The following NOD2 variants were observed in gnomAD, a reference collection of about 807,000 sequenced individuals.
The protein encoded by NOD2 is nucleotide-binding oligomerization domain-containing protein 2.
Under a neutral mutation model 90.9 loss-of-function variants are expected in NOD2, and 86 were observed. The ratio of observed to expected loss-of-function variants is 0.95; its 90% CI spans 0.79 to 1.13. The LOEUF (loss-of-function observed/expected upper bound fraction) is 1.13, where lower values mean the gene tolerates loss of function less well. NOD2 is among the 50% of genes most tolerant of loss of function. The pLI is 0.00. For synonymous variants in NOD2, 581 were observed against 554.6 expected (o/e 1.05, Z -0.67); for missense variants, 1,238 against 1,283.8 (o/e 0.96, Z 0.55).
chr16:50,728,379 T>C, intron 10 of NOD2: 1 of 330,696 alleles, frequency 3.0e-6, no homozygotes, highest in South Asian at 2.7e-5. Flanking sequence ...TCTCCGCTGC[T>C]TTACAACCCA....
At chr16:50,707,258 G>C (rs1449161626) in intron 2 of NOD2, among the ~76,000 whole-genome samples, 1 of 152,228 alleles carries the variant, frequency 6.6e-6, no homozygotes, top group Non-Finnish European at 1.5e-5. Flanking sequence ...GAGGCTTCAA[G>C]GGTGACTCCA....
chr16:50,713,743 G>T (rs1432984931), intron 4 of NOD2, among the ~76,000 whole-genome samples: 1 of 151,986 alleles, frequency 6.6e-6, no homozygotes, highest in Non-Finnish European at 1.5e-5. Flanking sequence ...AATTAGCTGG[G>T]GGGAAGGTAT....
intron 2 of NOD2, among the ~76,000 whole-genome samples, chr16:50,706,668 A>G (rs1253107540): frequency 6.6e-6 from 1 of 152,116 alleles, no homozygotes; most frequent in African/African-American, 2.4e-5. Context: ...AATATGAAAG[A>G]AAGAATGAAA....
Position 50,711,552 on chromosome 16 carries a change from C to T in NOD2, c.1560C>T (p.Leu520=), listed in dbSNP as rs1430719591. The change falls in exon 4 of 12, where the codon CTC becomes CTT. Residue 520 remains leucine, a synonymous_variant. Coordinates refer to ENST00000647318, the MANE Select transcript of NOD2 (RefSeq NM_001370466.1). ...PSLLRGRLPT[L]LHLGRLALWG... ...TTCTTCGGGGCCGCCTCCCCACCCTCCTGCACCTGGGCAGACTGGCTCTGT... is the reference window on the plus strand; with the variant it reads ...TTCTTCGGGGCCGCCTCCCCACCCTTCTGCACCTGGGCAGACTGGCTCTGT... The T allele has an allele frequency of 6.2e-7, 1 of 1,612,632 alleles. No individual in the cohort carries two copies. The highest frequency in any genetic ancestry group is 8.5e-7 in the Non-Finnish European group (1 of 1,180,030).
intron 7 of NOD2, 104 bp from the exon 8 acceptor site, chr16:50,722,518 C>T: frequency 9.1e-7 from 1 of 1,104,494 alleles, no homozygotes; most frequent in Non-Finnish European, 1.4e-6. Context: ...AGTGGTCCTG[C>T]CCCTCTGGCT....
In NOD2 at chr16:50,719,967, G is replaced by A. The variant is rs746066586; in HGVS notation, c.2592G>A (p.Leu864=). 6.2e-7 allele frequency: 1 copy of A among 1,614,216 alleles called. No homozygotes were observed. The highest frequency in any genetic ancestry group is 2.2e-5 in the East Asian group (1 of 44,878). The change falls in exon 7 of 12, where the codon CTG becomes CTA. Residue 864 remains leucine (L), a synonymous_variant. Transcript: ENST00000647318. ...TCACTGCCGCGGGAGCCCAAGTGCT[G>A]GCCGAGGGGCTCCGAGGCAACACCT... is the stretch of plus-strand genomic sequence containing the variant. The part of the protein sequence containing the change: ...NYITAAGAQV[L]AEGLRGNTSL...
chr16:50,696,993 G>T (rs1963677205), intron 1 of NOD2: 3 of 574,002 alleles, frequency 5.2e-6, no homozygotes, highest in Admixed American at 5.9e-5. Flanking sequence ...CATGTCCCCA[G>T]TGGGGTTTTT....
At chr16:50,703,187 C>T (rs1370116833) in intron 2 of NOD2, among the ~76,000 whole-genome samples, 1 of 152,234 alleles carries the variant, frequency 6.6e-6, no homozygotes, top group African/African-American at 2.4e-5. Context: ...CCTTCTTTAA[C>T]TGCAACTGCT....
chr16:50,711,839 T>A lies in NOD2; in HGVS notation c.1847T>A (p.Leu616His), dbSNP rs763005931. The A allele has an allele frequency of 1.4e-5, 22 of 1,613,508 alleles. No individual in the cohort carries two copies. Among genetic ancestry groups the A allele is most frequent in the Non-Finnish European group, 1.9e-5 (22 of 1,179,480 alleles). The change falls in exon 4 of 12, where the codon CTC becomes CAC. Residue 616 changes from leucine (L) to histidine (H), a missense_variant. Transcript: ENST00000647318. The stretch of plus-strand genomic sequence containing the variant: ...CCAGGCAACTCACCAATGGCCAGGC[T>A]CCTGCCCACGATGTGCATCCAGGCC... ...GRPGNSPMAR[L>H]LPTMCIQASE...
At chr16:50,716,553 T>G (rs1964801614) in intron 4 of NOD2, 34 bp from the exon 5 acceptor site, 1 of 1,585,210 alleles carries the variant, frequency 6.3e-7, no homozygotes, top group Non-Finnish European at 8.7e-7. Context: ...TCTTACTAGC[T>G]CCATTTTCAA....
At chr16:50,716,531 A>G in intron 4 of NOD2, 56 bp from the exon 5 acceptor site, 1 of 1,504,458 alleles carries the variant, frequency 6.6e-7, no homozygotes, top group Non-Finnish European at 9.2e-7. Context: ...GGATTTGTAG[A>G]TTTTTTTCTT....
rs772287143 is a variant in NOD2, at chr16:50,699,671, G to A, written c.176G>A (p.Arg59Lys). The A allele has an allele frequency of 9.3e-6, 15 of 1,614,202 alleles. No homozygotes were observed. The highest frequency in any genetic ancestry group is 1.3e-5 in the Non-Finnish European group (15 of 1,180,036). ...LLGQPLSHLA[R>K]RLLDTVWNKG... ...GGCCAGCCTCTCTCCCACTTGGCCAGGCGCCTTCTGGACACCGTCTGGAAT... is the reference window on the plus strand; with the variant it reads ...GGCCAGCCTCTCTCCCACTTGGCCAAGCGCCTTCTGGACACCGTCTGGAAT... Residue 59 changes from arginine (R) to lysine (K), a missense_variant, in exon 2 of 12, where the codon AGG becomes AAG. Around this residue, in one of 3 missense-constraint regions of NOD2, gnomAD observed 567 missense variants for 577.3 expected, o/e 0.98. Coordinates refer to ENST00000647318, the MANE Select transcript of NOD2 (RefSeq NM_001370466.1).
chr16:50,714,625 TGTG>T (rs1964697817), intron 4 of NOD2, among the ~76,000 whole-genome samples: 1 of 151,370 alleles, frequency 6.6e-6, no homozygotes, highest in Non-Finnish European at 1.5e-5. Context: ...TGTGTGTGTG[TGTG>T]TGTGTGTGTG....
intron 2 of NOD2, among the ~76,000 whole-genome samples, chr16:50,703,608 C>T (rs183563307): frequency 3.3e-5 from 5 of 149,780 alleles, no homozygotes; most frequent in Non-Finnish European, 5.9e-5. Flanking sequence ...TGCTTGAACC[C>T]GGGAGGCAGA....
intron 10 of NOD2, chr16:50,727,827 T>A: frequency 2.7e-6 from 1 of 371,442 alleles, no homozygotes; most frequent in Non-Finnish European, 5.4e-6. Flanking sequence ...TCATATGTAA[T>A]GGTTTCGCAG....
rs111266631 is a variant in NOD2 at position 50,729,398 on chromosome 16, C to G, written c.2886-420C>G. 2.2e-3 allele frequency among the ~76,000 whole-genome samples: 329 copies of G among 152,118 alleles called. 1 individual carries two copies. Among genetic ancestry groups the G allele is most frequent in the African/African-American group, 7.5e-3 (310 of 41,504 alleles). On this transcript the variant is annotated intron_variant, in intron 10 of 11. Coordinates refer to ENST00000647318, the MANE Select transcript of NOD2 (RefSeq NM_001370466.1). ...GATGGATGGTGGATGTGAATAGGAG[C>G]CTGCTTACACCCATCACAATTTAGA...
chr16:50,731,257 G>T (rs965303954), intron 11 of NOD2, among the ~76,000 whole-genome samples: 2 of 152,206 alleles, frequency 1.3e-5, no homozygotes, highest in African/African-American at 4.8e-5. Flanking sequence ...TGTGGCCTAT[G>T]ACGTCATCAG....
rs104895483 is a variant in NOD2, at chr16:50,712,049, G to T, written c.2057G>T (p.Arg686Leu). ...RQACARWCLA[R>L]SLRKHFHSIP... ...GCCTGTGCCCGCTGGTGTCTGGCCC[G>T]CAGCCTCCGCAAGCACTTCCACTCC... Residue 686 changes from arginine to leucine, a missense_variant, in exon 4 of 12, where the codon CGC (arginine) becomes CTC (leucine). Physicochemically the swap from Arg to Leu is moderately radical, Grantham distance 102. Transcript: ENST00000647318. 6.2e-7 allele frequency: 1 copy of T among 1,613,078 alleles called. No homozygotes were observed. The highest frequency in any genetic ancestry group is 8.5e-7 in the Non-Finnish European group (1 of 1,179,882).
chr16:50,710,889 C>G lies in NOD2; in HGVS notation c.897C>G (p.Leu299=), dbSNP rs1964442492. The change falls in exon 4 of 12, where the codon CTC becomes CTG. Residue 299 remains leucine (L), a synonymous_variant. Coordinates refer to ENST00000647318, the MANE Select transcript of NOD2 (RefSeq NM_001370466.1). ...WAAGQDFQEF[L]FVFPFSCRQL... is the part of the protein sequence containing the mutation. ...CAGGGCAAGACTTCCAGGAATTTCT[C>G]TTTGTCTTCCCATTCAGCTGCCGGC... 6.2e-7 allele frequency: 1 copy of G among 1,614,178 alleles called. No homozygotes were observed. The highest frequency in any genetic ancestry group is 8.5e-7 in the Non-Finnish European group (1 of 1,180,034).
Sources: allele counts gnomAD v4.1 joint callset (sites outside exome capture counted in the v4.1 genomes callset), GRCh38; gene constraint gnomAD v4.1.1; regional missense constraint gnomAD v4.1.1; transcripts MANE v1.5; gene names NCBI Gene and HGNC (gene_info 2026-07-23, HGNC 2026-07-21).